Variants in SOS2 observed in about 807,000 individuals in gnomAD.
The protein encoded by SOS2 is son of sevenless homolog 2.
SOS2 carries 65 observed loss-of-function variants against 148.2 expected under a neutral mutation model. The observed-to-expected ratio is 0.44, with a 90% CI of 0.36 to 0.54. The LOEUF (loss-of-function observed/expected upper bound fraction) is 0.54, where lower values mean the gene tolerates loss of function less well. SOS2 is among the 20% of genes least tolerant of loss of function. The pLI, the probability that SOS2 is intolerant of heterozygous loss-of-function variation, is 0.00. For missense variants in SOS2, 1,341 were observed against 1,590.2 expected, an observed-to-expected ratio of 0.84 and a Z score of 2.67; for synonymous variants, 539 against 537.1, an observed-to-expected ratio of 1.00 and a Z score of -0.05.
chr14:50,210,340 T>C (rs1369261322), intron 1 of SOS2, among the ~76,000 whole-genome samples: 1 of 152,154 alleles, frequency 6.6e-6, no homozygotes, highest in African/African-American at 2.4e-5. Flanking sequence ...GTTGAACCAC[T>C]GCAGAAAAAG....
chr14:50,227,458 G>A (rs1214447915), intron 1 of SOS2, among the ~76,000 whole-genome samples: 2 of 150,444 alleles, frequency 1.3e-5, no homozygotes, highest in East Asian at 3.9e-4. Flanking sequence ...CATCGCCCAT[G>A]CTGGAGTGCA....
intron 21 of SOS2, among the ~76,000 whole-genome samples, chr14:50,123,979 T>C (rs1019740707): frequency 6.6e-6 from 1 of 152,162 alleles, no homozygotes; most frequent in African/African-American, 2.4e-5. Context: ...ATTTTTAGCC[T>C]AAGTAACTGG....
intron 21 of SOS2, among the ~76,000 whole-genome samples, chr14:50,126,611 A>G (rs1006836114): frequency 6.6e-6 from 1 of 152,190 alleles, no homozygotes; most frequent in Non-Finnish European, 1.5e-5. Flanking sequence ...ACTGAAAAGA[A>G]TTCTTAGAAA....
At chr14:50,183,586 C>G (rs1885814907) in intron 5 of SOS2, among the ~76,000 whole-genome samples, 1 of 152,100 alleles carries the variant, frequency 6.6e-6, no homozygotes, top group Non-Finnish European at 1.5e-5. Flanking sequence ...GTGGATGATT[C>G]TAAGCTACTT....
In SOS2 at chr14:50,231,320, C is replaced by G. The variant is rs1320868632; in HGVS notation, c.-37G>C. On this transcript the variant is annotated 5_prime_UTR_variant, in exon 1 of 23. Coordinates refer to ENST00000216373, the MANE Select transcript of SOS2 (RefSeq NM_006939.4). ...CAGCGCCTCCGCATCGGGGGCAGCCCGCGGGCCGGGCCGGTGGCCTGACAG... is the reference window on the plus strand; with the variant it reads ...CAGCGCCTCCGCATCGGGGGCAGCCGGCGGGCCGGGCCGGTGGCCTGACAG... 1.9e-5 allele frequency: 24 copies of G among 1,250,406 alleles called. No individual in the cohort carries two copies. Among genetic ancestry groups the G allele is most frequent in the Admixed American group, 7.8e-5 (3 of 38,662 alleles). 77.5% of individuals were successfully genotyped at this position (1,250,406 alleles called of 1,614,324 possible). A position where few individuals can be genotyped will look rare whatever the true frequency, so the allele number is the denominator to read the frequency against.
chr14:50,199,120 T>C (rs1486508631), intron 4 of SOS2, among the ~76,000 whole-genome samples: 1 of 152,156 alleles, frequency 6.6e-6, no homozygotes, highest in Non-Finnish European at 1.5e-5. Context: ...GCCACTGCAC[T>C]CCAGCCTGGG....
chr14:50,182,091 AAAGT>A (rs1427144175), intron 6 of SOS2, among the ~76,000 whole-genome samples: 2 of 152,090 alleles, frequency 1.3e-5, no homozygotes, highest in Admixed American at 1.3e-4. Flanking sequence ...CACTATAAAG[AAAGT>A]GTCACTATAT....
intron 21 of SOS2, among the ~76,000 whole-genome samples, chr14:50,123,432 A>G (rs2139485144): frequency 8.1e-6 from 1 of 123,580 alleles, no homozygotes; most frequent in Middle Eastern, 7.4e-3. Flanking sequence ...CCCAGGCTGG[A>G]GAGCAGTGGT....
intron 19 of SOS2, among the ~76,000 whole-genome samples, chr14:50,131,148 A>G (rs1001388074): frequency 1.2e-4 from 18 of 152,200 alleles, no homozygotes; most frequent in Admixed American, 9.8e-4. Context: ...AGAAAAAAAA[A>G]AGATCATTTT....
At chr14:50,216,385 C>T (rs116365225) in intron 1 of SOS2, among the ~76,000 whole-genome samples, 2,060 of 151,874 alleles carry the variant, frequency 0.014, 40 homozygotes, top group African/African-American at 0.046. Context: ...ACGTGAGCCA[C>T]GACACCCAGC....
Position 50,231,204 on chromosome 14 carries a change from A to G in SOS2, c.80T>C (p.Leu27Pro). The G allele has an allele frequency of 1.4e-6, 2 of 1,479,654 alleles. No homozygotes were observed. The highest frequency in any genetic ancestry group is 1.4e-5 in the South Asian group (1 of 73,758). The allele number at this position is 1,479,654 out of a possible 1,614,324, so 91.7% of individuals were successfully genotyped here. ...PKWRGLLVSALRKVQEQVHPT... is the reference protein window; with the variant it reads ...PKWRGLLVSAPRKVQEQVHPT... ...CCCGCCCCTAGCACTGACCTTCCGCAGGGCCGAGACCAACAGTCCCCGCCA... is the reference window on the plus strand; with the variant it reads ...CCCGCCCCTAGCACTGACCTTCCGCGGGGCCGAGACCAACAGTCCCCGCCA... The change falls in exon 1 of 23, where the codon CTG (leucine) becomes CCG (proline). Residue 27 changes from leucine to proline, a missense_variant. Physicochemically the swap from Leu to Pro is moderately conservative, Grantham distance 98. Coordinates refer to ENST00000216373, the MANE Select transcript of SOS2 (RefSeq NM_006939.4).
chr14:50,211,150 T>C (rs776452660), intron 1 of SOS2, among the ~76,000 whole-genome samples: 3 of 151,914 alleles, frequency 2.0e-5, no homozygotes, highest in Admixed American at 2.0e-4. Context: ...CTCCACTGAG[T>C]TGAAATGGGA....
chr14:50,140,659 A>G (rs1884241779), intron 16 of SOS2, among the ~76,000 whole-genome samples: 1 of 152,202 alleles, frequency 6.6e-6, no homozygotes, highest in Admixed American at 6.5e-5. Flanking sequence ...AGGGTATAAC[A>G]TTGTAGCTTT....
intron 14 of SOS2, among the ~76,000 whole-genome samples, chr14:50,146,251 A>G (rs965308043): frequency 4.6e-5 from 7 of 152,214 alleles, no homozygotes; most frequent in Admixed American, 3.9e-4. Flanking sequence ...CCATTTTGTA[A>G]AACAATTTGG....
intron 5 of SOS2, 48 bp downstream of exon 5, chr14:50,188,444 GCTGGT>G: frequency 8.6e-7 from 1 of 1,168,452 alleles, no homozygotes; most frequent in Non-Finnish European, 1.3e-6. Flanking sequence ...ATGATTTTAA[GCTGGT>G]CTGGTTTTTT....
At chr14:50,167,839 G>A (rs1885215521) in intron 8 of SOS2, among the ~76,000 whole-genome samples, 1 of 149,196 alleles carries the variant, frequency 6.7e-6, no homozygotes, top group East Asian at 2.0e-4. Flanking sequence ...CTGCACTCCA[G>A]CCTGGGCGAT....
chr14:50,199,950 A>C (rs1284931773), intron 3 of SOS2, 95 bp from the exon 4 acceptor site: 2 of 752,642 alleles, frequency 2.7e-6, no homozygotes, highest in East Asian at 2.8e-5. Context: ...CTTATAAAAA[A>C]TTTTCTATTA....
intron 11 of SOS2, among the ~76,000 whole-genome samples, chr14:50,158,340 T>G (rs566484957): frequency 1.1e-4 from 17 of 152,286 alleles, no homozygotes; most frequent in Non-Finnish European, 2.4e-4. Flanking sequence ...TAAATTAGTC[T>G]TTCTGATTAC....
intron 1 of SOS2, among the ~76,000 whole-genome samples, chr14:50,226,364 C>T (rs1375475634): frequency 1.3e-5 from 2 of 152,208 alleles, no homozygotes; most frequent in African/African-American, 4.8e-5. Flanking sequence ...TATATTTTCT[C>T]AGATCACCCT....
Sources: allele counts gnomAD v4.1 joint callset (sites outside exome capture counted in the v4.1 genomes callset), GRCh38; gene constraint gnomAD v4.1.1; transcripts MANE v1.5; gene names NCBI Gene and HGNC (gene_info 2026-07-23, HGNC 2026-07-21).